GNPTAB: variants seen among roughly 807,000 people sequenced by gnomAD.
The protein encoded by GNPTAB is N-acetylglucosamine-1-phosphotransferase subunits alpha/beta.
A neutral mutation model predicts 136.6 loss-of-function variants in GNPTAB; 92 were observed. That is an observed-to-expected ratio of 0.67 (90% CI 0.57 to 0.80). The LOEUF is 0.80. Ranked by LOEUF, GNPTAB falls within the 30% of genes least tolerant of loss-of-function variation. The pLI, the probability that GNPTAB is intolerant of heterozygous loss-of-function variation, is 0.00. For missense variants in GNPTAB, 1,343 were observed against 1,501.8 expected, an observed-to-expected ratio of 0.89 and a Z score of 1.75; for synonymous variants, 512 against 535.1, an observed-to-expected ratio of 0.96 and a Z score of 0.60.
chr12:101,753,602 G>T, intron 18 of GNPTAB, 63 bp from the exon 19 acceptor site: 1 of 1,308,210 alleles, frequency 7.6e-7, no homozygotes, highest in Non-Finnish European at 1.1e-6. Flanking sequence ...AACAAAACAA[G>T]GATGTGGATT....
At chr12:101,793,097 C>T (rs367594646) in intron 2 of GNPTAB, among the ~76,000 whole-genome samples, 18 of 152,182 alleles carry the variant, frequency 1.2e-4, no homozygotes, top group East Asian at 3.9e-4. Context: ...TTTTGTTCAC[C>T]ACTATATACC....
Position 101,757,567 on chromosome 12 carries a change from C to T in GNPTAB, c.3335+5G>A. The T allele has an allele frequency of 7.3e-7, 1 of 1,363,268 alleles. No individual in the cohort carries two copies. The allele number at this position is 1,363,268 out of a possible 1,614,324, so 84.4% of individuals were successfully genotyped here. Reference sequence around the variant, plus strand: ...AAACAAAGGGAGTATGCGTGTACTACTTACCTATATTTGTTTTTGTCCTTA... The same window carrying T: ...AAACAAAGGGAGTATGCGTGTACTATTTACCTATATTTGTTTTTGTCCTTA... On this transcript the variant is annotated splice_donor_5th_base_variant and intron_variant, in intron 17 of 20. Transcript: ENST00000299314.
intron 1 of GNPTAB, among the ~76,000 whole-genome samples, chr12:101,824,532 T>A (rs1182401039): frequency 1.4e-5 from 2 of 145,160 alleles, no homozygotes; most frequent in Non-Finnish European, 3.0e-5. Context: ...AGTGGCACAA[T>A]CTTGGCTCAC....
chr12:101,747,590 T>A (rs998961534), intron 20 of GNPTAB, among the ~76,000 whole-genome samples: 4 of 43,856 alleles, frequency 9.1e-5, no homozygotes, highest in African/African-American at 5.1e-4. Flanking sequence ...AGTCTTTCTA[T>A]TGAAGGAAAC....
chr12:101,821,640 G>A (rs1190941526), intron 1 of GNPTAB, among the ~76,000 whole-genome samples: 1 of 152,116 alleles, frequency 6.6e-6, no homozygotes, highest in Admixed American at 6.5e-5. Context: ...GGCATTCTGT[G>A]ACGCCTGCTC....
intron 13 of GNPTAB, among the ~76,000 whole-genome samples, chr12:101,762,754 T>C (rs1473873159): frequency 6.6e-6 from 1 of 152,078 alleles, no homozygotes; most frequent in South Asian, 2.1e-4. Flanking sequence ...TGCATAGCTA[T>C]AGAAAAATAC....
intron 7 of GNPTAB, chr12:101,773,059 C>T (rs1953203932): frequency 5.5e-6 from 1 of 181,824 alleles, no homozygotes; most frequent in African/African-American, 2.4e-5. Flanking sequence ...AATCTGCCCG[C>T]CTCGGCCTCC....
chr12:101,771,201 A>C, intron 7 of GNPTAB, 44 bp from the exon 8 acceptor site: 9 of 1,526,078 alleles, frequency 5.9e-6, no homozygotes, highest in South Asian at 1.1e-5. Context: ...ACTGAATCTC[A>C]AGGATGAAGC....
chr12:101,796,651 ATAG>A, intron 2 of GNPTAB, 23 bp downstream of exon 2: 2 of 1,461,198 alleles, frequency 1.4e-6, no homozygotes, highest in Non-Finnish European at 1.9e-6. Context: ...GGTCCAAATA[ATAG>A]ATTTCTCCAA....
At chr12:101,766,798 C>T (rs945889190) in intron 11 of GNPTAB, among the ~76,000 whole-genome samples, 1 of 152,134 alleles carries the variant, frequency 6.6e-6, no homozygotes, top group Non-Finnish European at 1.5e-5. Context: ...TTGACAGAAG[C>T]GTGATGAACA....
intron 19 of GNPTAB, among the ~76,000 whole-genome samples, chr12:101,750,786 C>A (rs1256897438): frequency 6.6e-6 from 1 of 152,190 alleles, no homozygotes; most frequent in African/African-American, 2.4e-5. Context: ...AATATTCATC[C>A]TAATTGTCTC....
intron 1 of GNPTAB, among the ~76,000 whole-genome samples, chr12:101,811,361 T>A (rs1870221773): frequency 6.7e-6 from 1 of 149,384 alleles, no homozygotes; most frequent in Non-Finnish European, 1.5e-5. Flanking sequence ...GAAACTGACA[T>A]TTAAATTTCA....
At position 101,771,059 on chromosome 12, in the gene GNPTAB, A is replaced by G. The variant is rs760389196; in HGVS notation, c.870T>C (p.Ile290=). Residue 290 remains isoleucine (I), a synonymous_variant, in exon 8 of 21, where the codon ATT becomes ATC. Transcript: ENST00000299314. The part of the protein sequence containing the change: ...LNKQTKKNMT[I]DGKELTISPA... ...GACTTATGGTCAGTTCTTTTCCATC[A>G]ATGGTCATGTTCTTCTTAGTTTGCT... 1 of 1,613,862 alleles carries G rather than the reference A, an allele frequency of 6.2e-7. No homozygotes were observed. Among genetic ancestry groups the G allele is most frequent in the South Asian group, 1.1e-5 (1 of 91,084 alleles).
intron 1 of GNPTAB, among the ~76,000 whole-genome samples, chr12:101,827,588 A>G (rs10128858): frequency 0.28 from 42,869 of 152,052 alleles, 6,577 homozygotes; most frequent in East Asian, 0.61. Flanking sequence ...GTTTGGATGA[A>G]TATAGAAAAG....
intron 7 of GNPTAB, among the ~76,000 whole-genome samples, chr12:101,776,139 T>C (rs1953260080): frequency 6.6e-6 from 1 of 152,180 alleles, no homozygotes. Flanking sequence ...ACTACTATAA[T>C]TGAAGGAAAC....
At chr12:101,751,338 T>C (rs1952816171) in intron 19 of GNPTAB, among the ~76,000 whole-genome samples, 2 of 152,218 alleles carry the variant, frequency 1.3e-5, no homozygotes, top group South Asian at 2.1e-4. Context: ...CACTGAACTC[T>C]TATTGCCGCC....
At chr12:101,812,984 GTGT>G (rs1211176823) in intron 1 of GNPTAB, among the ~76,000 whole-genome samples, 63 of 136,542 alleles carry the variant, frequency 4.6e-4, no homozygotes, top group African/African-American at 1.8e-3. Flanking sequence ...TTTTTTGTGT[GTGT>G]TTTTTTTTTT....
intron 7 of GNPTAB, among the ~76,000 whole-genome samples, chr12:101,772,419 A>G (rs1036794705): frequency 6.6e-6 from 1 of 152,136 alleles, no homozygotes; most frequent in African/African-American, 2.4e-5. Flanking sequence ...TGTAGTCCAG[A>G]ACACCAGAGG....
intron 2 of GNPTAB, among the ~76,000 whole-genome samples, chr12:101,791,626 T>G (rs1868997698): frequency 6.6e-6 from 1 of 152,220 alleles, no homozygotes. Context: ...TTTAGTACTT[T>G]CCAAGAAACT....
Sources: allele counts gnomAD v4.1 joint callset (sites outside exome capture counted in the v4.1 genomes callset), GRCh38; gene constraint gnomAD v4.1.1; transcripts MANE v1.5; gene names NCBI Gene and HGNC (gene_info 2026-07-23, HGNC 2026-07-21).